ARMC2: variants seen among roughly 807,000 people sequenced by gnomAD.
The protein encoded by ARMC2 is armadillo repeat-containing protein 2.
A neutral mutation model predicts 90.3 loss-of-function variants in ARMC2; 67 were observed. The ratio of observed to expected loss-of-function variants is 0.74; its 90% CI spans 0.61 to 0.91. ARMC2 has a LOEUF of 0.91. Among genes scored for constraint, ARMC2 ranks in the 40% least tolerant of loss-of-function variants. ARMC2 has a pLI of 0.00. For missense variants in ARMC2, 920 were observed against 1,030.9 expected, an observed-to-expected ratio of 0.89 and a Z score of 1.47; for synonymous variants, 393 against 393.0, an observed-to-expected ratio of 1.00 and a Z score of 0.00.
chr6:109,002,163 C>G, the ARMC2 span: 1 of 838,806 alleles, frequency 1.2e-6, no homozygotes, highest in Non-Finnish European at 1.9e-6. Context: ...TAACTGCAAC[C>G]AACTCTGACT....
chr6:108,868,843 C>G lies in ARMC2; in HGVS notation c.311C>G (p.Ser104Cys). ...TTCCAGAAACCGAAAGTTCCAGCAT[C>G]TCCCACCAGAGAGGAGGATTCCTGC... Reference protein sequence around the residue: ...PLELKPKVPASPTREEDSCFS... With the variant: ...PLELKPKVPACPTREEDSCFS... Residue 104 changes from serine to cysteine, a missense_variant, in exon 4 of 18, where the codon TCT (serine) becomes TGT (cysteine). By Grantham distance (112) the Ser-to-Cys change is moderately radical. Coordinates refer to ENST00000392644, the MANE Select transcript of ARMC2 (RefSeq NM_032131.6). The G allele has an allele frequency of 6.2e-7, 1 of 1,612,432 alleles. No individual in the cohort carries two copies. Among genetic ancestry groups the G allele is most frequent in the East Asian group, 2.2e-5 (1 of 44,876 alleles).
At chr6:108,986,684 C>CTGAA in the ARMC2 span, 1 of 152,364 alleles carries the variant, frequency 6.6e-6, no homozygotes, top group Non-Finnish European at 1.5e-5. Context: ...GGCAGAGAGA[C>CTGAA]TGAATGCACC....
At chr6:109,009,356 T>C in the ARMC2 span, 2 of 1,468,400 alleles carry the variant, frequency 1.4e-6, no homozygotes. Flanking sequence ...CTCGCCCAGG[T>C]ACCTCGTCCT....
chr6:108,947,512 T>C (rs574875346), intron 12 of ARMC2, among the ~76,000 whole-genome samples: 9 of 152,292 alleles, frequency 5.9e-5, no homozygotes, highest in East Asian at 1.9e-4. Flanking sequence ...GCTGCCACCA[T>C]TGGAACTGGA....
chr6:109,014,218 A>T, the ARMC2 span, among the ~76,000 whole-genome samples: 1 of 152,188 alleles, frequency 6.6e-6, no homozygotes. Context: ...TTTTAAATTT[A>T]AAAGTTGCTT....
chr6:108,968,200 T>G (rs930749067), intron 17 of ARMC2, among the ~76,000 whole-genome samples: 2 of 152,204 alleles, frequency 1.3e-5, no homozygotes, highest in African/African-American at 2.4e-5. Context: ...AAAGCATGTT[T>G]ATTCTATTTT....
At chr6:108,937,646 G>A (rs1776060256) in intron 12 of ARMC2, among the ~76,000 whole-genome samples, 1 of 152,044 alleles carries the variant, frequency 6.6e-6, no homozygotes, top group African/African-American at 2.4e-5. Context: ...ACTTACAAAC[G>A]ATTTCTCATT....
At chr6:108,967,525 G>C (rs968767619) in intron 17 of ARMC2, among the ~76,000 whole-genome samples, 18 of 152,104 alleles carry the variant, frequency 1.2e-4, no homozygotes, top group African/African-American at 4.3e-4. Context: ...GTATCTGGGG[G>C]GATTGGTTTC....
At chr6:108,885,248 GTGTA>G (rs1215826155) in intron 5 of ARMC2, among the ~76,000 whole-genome samples, 2 of 152,030 alleles carry the variant, frequency 1.3e-5, no homozygotes, top group East Asian at 3.9e-4. Flanking sequence ...GTGTGTGTGT[GTGTA>G]TGTATTTTAG....
the ARMC2 span, among the ~76,000 whole-genome samples, chr6:109,041,063 A>T: frequency 6.6e-6 from 1 of 151,786 alleles, no homozygotes; most frequent in South Asian, 2.1e-4. Context: ...CACTTTGGGA[A>T]GCTGAGGAAG....
the ARMC2 span, chr6:108,994,696 A>ATT: frequency 4.8e-6 from 3 of 628,486 alleles, no homozygotes; most frequent in South Asian, 2.8e-5. Context: ...AAGAATTTAT[A>ATT]TCTTTTTTTT....
At chr6:108,907,561 G>A in intron 8 of ARMC2, 14 of 1,446,854 alleles carry the variant, frequency 9.7e-6, no homozygotes, top group Non-Finnish European at 1.2e-5. Context: ...CCTCACAGAG[G>A]GGCTCGGGCC....
At chr6:108,995,579 G>T in the ARMC2 span, among the ~76,000 whole-genome samples, 1 of 152,160 alleles carries the variant, frequency 6.6e-6, no homozygotes, top group Non-Finnish European at 1.5e-5. Context: ...ACAAAAGCTA[G>T]ATCAAATCTA....
chr6:108,998,444 C>G, the ARMC2 span: 1 of 1,576,648 alleles, frequency 6.3e-7, no homozygotes. Flanking sequence ...AAGAAGCCAA[C>G]TGAAGAAATA....
chr6:108,894,440 G>A lies in ARMC2; in HGVS notation c.672-27G>A, dbSNP rs555141689. On this transcript the variant is annotated intron_variant, in intron 5 of 17. Coordinates refer to ENST00000392644, the MANE Select transcript of ARMC2 (RefSeq NM_032131.6). Reference sequence around the variant, plus strand: ...AAATTAGAAGTGTTTTCATGTTTGCGCTGAGTGTTTTATGTATTCCTCCTA... The same window carrying A: ...AAATTAGAAGTGTTTTCATGTTTGCACTGAGTGTTTTATGTATTCCTCCTA... 4.5e-5 allele frequency: 71 copies of A among 1,580,356 alleles called. No homozygotes were observed. In the East Asian group the frequency reaches 7.0e-4, roughly 16 times the overall value.
the ARMC2 span, chr6:108,990,632 A>G: frequency 1.2e-6 from 2 of 1,613,010 alleles, no homozygotes; most frequent in Non-Finnish European, 1.7e-6. Flanking sequence ...ATAAACACAG[A>G]AAGAAGACTA....
the ARMC2 span, among the ~76,000 whole-genome samples, chr6:109,008,453 T>C: frequency 1.5e-4 from 23 of 152,322 alleles, no homozygotes; most frequent in African/African-American, 5.3e-4. Context: ...CAAAAAAATA[T>C]TTGGTGCTTT....
the ARMC2 span, chr6:108,987,030 T>C: frequency 1.3e-5 from 2 of 152,736 alleles, no homozygotes; most frequent in Non-Finnish European, 2.9e-5. Flanking sequence ...CAAGTTTAAT[T>C]TGAAATCACA....
chr6:108,925,767 T>G (rs1307809397), intron 10 of ARMC2, among the ~76,000 whole-genome samples: 3 of 152,214 alleles, frequency 2.0e-5, no homozygotes, highest in African/African-American at 7.2e-5. Context: ...GGTATATGTT[T>G]CATGCATGTT....
Sources: allele counts gnomAD v4.1 joint callset (sites outside exome capture counted in the v4.1 genomes callset), GRCh38; gene constraint gnomAD v4.1.1; transcripts MANE v1.5; gene names NCBI Gene and HGNC (gene_info 2026-07-23, HGNC 2026-07-21).